Variants in UACA observed in about 807,000 individuals in gnomAD.
UACA encodes the protein uveal autoantigen with coiled-coil domains and ankyrin repeats.
A neutral mutation model predicts 160.5 loss-of-function variants in UACA; 112 were observed. The ratio of observed to expected loss-of-function variants is 0.70; its 90% CI spans 0.60 to 0.82. The LOEUF is 0.82. UACA is among the 40% of genes least tolerant of loss of function. UACA has a pLI of 0.00. For missense variants in UACA, 1,574 were observed against 1,614.6 expected, an observed-to-expected ratio of 0.97 and a Z score of 0.43; for synonymous variants, 557 against 568.4, an observed-to-expected ratio of 0.98 and a Z score of 0.29.
intron 8 of UACA, among the ~76,000 whole-genome samples, chr15:70,683,203 T>C (rs1897577193): frequency 6.6e-6 from 1 of 151,336 alleles, no homozygotes; most frequent in Non-Finnish European, 1.5e-5. Context: ...AAAAAAAATA[T>C]AAAAAATTAG....
At chr15:70,709,451 T>C (rs1021249887) in intron 1 of UACA, among the ~76,000 whole-genome samples, 2 of 152,216 alleles carry the variant, frequency 1.3e-5, no homozygotes, top group Non-Finnish European at 2.9e-5. Context: ...TGACATTGAC[T>C]CTCATATTAA....
intron 1 of UACA, chr15:70,754,169 T>C (rs1176798721): frequency 4.4e-6 from 2 of 455,916 alleles, no homozygotes; most frequent in African/African-American, 2.0e-5. Context: ...TCCTAACTGG[T>C]TGAGACATTC....
chr15:70,763,627 C>A, upstream of UACA: 1 of 882,294 alleles, frequency 1.1e-6, no homozygotes, highest in Non-Finnish European at 1.5e-6. Context: ...TGGCAAACCG[C>A]GACCAATCGG....
chr15:70,669,510 C>A, intron 15 of UACA, 48 bp from the exon 16 acceptor site: 6 of 1,414,434 alleles, frequency 4.2e-6, no homozygotes, highest in Non-Finnish European at 5.7e-6. Context: ...CTAAATGAGA[C>A]ATTTACTATA....
intron 13 of UACA, among the ~76,000 whole-genome samples, chr15:70,673,522 A>G (rs1428042535): frequency 1.3e-5 from 2 of 152,186 alleles, no homozygotes; most frequent in Non-Finnish European, 2.9e-5. Flanking sequence ...GTTCTATGGA[A>G]TATTTAATAC....
Position 70,682,767 on chromosome 15 carries a change from A to C in UACA, c.813T>G (p.Ser271=), listed in dbSNP as rs1479849974. 1 of 1,562,640 alleles carries C rather than the reference A, an allele frequency of 6.4e-7. No individual in the cohort carries two copies. Among genetic ancestry groups the C allele is most frequent in the Non-Finnish European group, 8.7e-7 (1 of 1,155,688 alleles). Reference sequence around the variant, plus strand: ...TAAAATTAATATCTACCTGTTGCAAAGATGGCCCTTTCTTCCAAAGTTCTC... The same window carrying C: ...TAAAATTAATATCTACCTGTTGCAACGATGGCCCTTTCTTCCAAAGTTCTC... ...KGRELWKKGP[S]LQQRNLTHMQ... The change falls in exon 9 of 19, where the codon TCT becomes TCG. Residue 271 remains serine, a synonymous_variant. Coordinates refer to ENST00000322954, the MANE Select transcript of UACA (RefSeq NM_018003.4).
At position 70,723,656 on chromosome 15, in the gene UACA, G is replaced by A. The variant is rs149002484; in HGVS notation, c.79-23996C>T. On this transcript the variant is annotated intron_variant, in intron 1 of 18. Coordinates refer to ENST00000322954, the MANE Select transcript of UACA (RefSeq NM_018003.4). ...TTCCTTTTTTTTTTTTTTTTGAGAC[G>A]GAGTCTCGCTCTGTCGCCCAGGCTG... 9.4e-3 allele frequency among the ~76,000 whole-genome samples: 1,378 copies of A among 146,772 alleles called. 21 individuals are homozygous for A. The highest frequency in any genetic ancestry group is 0.033 in the African/African-American group (1,307 of 39,516).
chr15:70,777,892 C>T, the UACA span, among the ~76,000 whole-genome samples: 2 of 152,204 alleles, frequency 1.3e-5, no homozygotes, highest in African/African-American at 2.4e-5. Context: ...AGAATGTCTT[C>T]AAGCAAATTT....
At chr15:70,747,251 T>C (rs928969121) in intron 1 of UACA, among the ~76,000 whole-genome samples, 2 of 149,284 alleles carry the variant, frequency 1.3e-5, no homozygotes, top group African/African-American at 4.9e-5. Context: ...GTTTTTTTTT[T>C]TTTTTTTTTT....
Position 70,668,605 on chromosome 15 carries a change from T to A in UACA, c.2079A>T (p.Arg693Ser), listed in dbSNP as rs1897021934. The A allele has an allele frequency of 3.1e-6, 5 of 1,613,734 alleles. No individual in the cohort carries two copies. The highest frequency in any genetic ancestry group is 4.2e-6 in the Non-Finnish European group (5 of 1,179,990). The change falls in exon 16 of 19, where the codon AGA (arginine) becomes AGT (serine). Residue 693 changes from arginine to serine, a missense_variant. Coordinates refer to ENST00000322954, the MANE Select transcript of UACA (RefSeq NM_018003.4). Reference protein sequence around the residue: ...KPEEHEQVKSRLEQKSGELGK... With the variant: ...KPEEHEQVKSSLEQKSGELGK... ...CAAGTTCTCCTGATTTCTGTTCTAA[T>A]CTGCTCTTAACCTGTTCATGTTCCT...
intron 1 of UACA, chr15:70,702,327 AT>A (rs1227075951): frequency 1.0e-4 from 100 of 991,846 alleles, no homozygotes; most frequent in Non-Finnish European, 1.2e-4. Context: ...CCACATCCGA[AT>A]TGTCCGGTAA....
chr15:70,680,360 G>GTT (rs1897454732), intron 9 of UACA, among the ~76,000 whole-genome samples: 1 of 151,724 alleles, frequency 6.6e-6, no homozygotes, highest in Admixed American at 6.6e-5. Flanking sequence ...AATAACTAAT[G>GTT]TAGAAAGCTA....
Position 70,657,043 on chromosome 15 carries a change from T to A in UACA, c.*13A>T. 6.2e-7 allele frequency: 1 copy of A among 1,612,578 alleles called. No homozygotes were observed. Among genetic ancestry groups the A allele is most frequent in the South Asian group, 1.1e-5 (1 of 90,994 alleles). On this transcript the variant is annotated 3_prime_UTR_variant, in exon 19 of 19. Coordinates refer to ENST00000322954, the MANE Select transcript of UACA (RefSeq NM_018003.4). The stretch of plus-strand genomic sequence containing the variant: ...AGCAAGATAAAACAGATACTGGCAG[T>A]CAGTGCTAACGGCTAGCACACAAGC...
intron 1 of UACA, among the ~76,000 whole-genome samples, chr15:70,700,318 T>TATATATATGTATATATATATATATATAC (rs565377949): frequency 1.4e-5 from 2 of 139,762 alleles, no homozygotes; most frequent in East Asian, 2.0e-4. Flanking sequence ...TATATATATA[T>TATATATATGTATATATATATATATATAC]ACACACACAC....
the UACA span, among the ~76,000 whole-genome samples, chr15:70,774,287 C>T: frequency 6.6e-6 from 1 of 152,228 alleles, no homozygotes; most frequent in African/African-American, 2.4e-5. Context: ...TGGCTCACTC[C>T]TGTAATCCCA....
chr15:70,670,869 A>G (rs1439353330), intron 15 of UACA, among the ~76,000 whole-genome samples, 170 bp downstream of exon 15: 2 of 152,116 alleles, frequency 1.3e-5, no homozygotes, highest in Non-Finnish European at 2.9e-5. Context: ...AGAAACAGCA[A>G]TATCTGTTTT....
intron 1 of UACA, chr15:70,754,109 A>G (rs1049322436): frequency 8.3e-5 from 38 of 455,650 alleles, no homozygotes; most frequent in Non-Finnish European, 1.6e-4. Context: ...CCCAGCCTAT[A>G]TTTGGTTTTC....
chr15:70,706,998 A>G (rs1898540630), intron 1 of UACA, among the ~76,000 whole-genome samples: 2 of 152,230 alleles, frequency 1.3e-5, no homozygotes, highest in African/African-American at 4.8e-5. Flanking sequence ...GAAAAGGAAA[A>G]AGAAAGTTGA....
intron 9 of UACA, among the ~76,000 whole-genome samples, chr15:70,681,044 G>C (rs1897484248): frequency 6.6e-6 from 1 of 152,112 alleles, no homozygotes; most frequent in African/African-American, 2.4e-5. Flanking sequence ...CCTCATCAGG[G>C]GCTGGGCACC....
Sources: allele counts gnomAD v4.1 joint callset (sites outside exome capture counted in the v4.1 genomes callset), GRCh38; gene constraint gnomAD v4.1.1; transcripts MANE v1.5; gene names NCBI Gene and HGNC (gene_info 2026-07-23, HGNC 2026-07-21).